The following DTNA variants were observed in gnomAD, a reference collection of about 807,000 sequenced individuals.
DTNA encodes dystrobrevin alpha, also known as dystrophin-related protein 3.
Under a neutral mutation model 100.7 loss-of-function variants are expected in DTNA, and 43 were observed. That is an observed-to-expected ratio of 0.43 (90% CI 0.33 to 0.55). DTNA has a LOEUF of 0.55. Ranked by LOEUF, DTNA falls within the 20% of genes least tolerant of loss-of-function variation. The probability of loss-of-function intolerance (pLI) is 0.04; values close to 1 mark genes in which losing one functional copy is unlikely to be tolerated. For missense variants in DTNA, 798 were observed against 953.9 expected, an observed-to-expected ratio of 0.84 and a Z score of 2.15; for synonymous variants, 349 against 347.9, an observed-to-expected ratio of 1.00 and a Z score of -0.04.
At chr18:34,642,582 C>T (rs775074764) in intron 1 of DTNA, among the ~76,000 whole-genome samples, 1 of 150,744 alleles carries the variant, frequency 6.6e-6, no homozygotes, top group African/African-American at 2.4e-5. Context: ...TTTCTTTCAA[C>T]GGAGTCTCGC....
intron 1 of DTNA, among the ~76,000 whole-genome samples, chr18:34,602,531 G>A (rs1432255536): frequency 6.6e-6 from 1 of 152,080 alleles, no homozygotes; most frequent in Non-Finnish European, 1.5e-5. Context: ...GATAGATAGA[G>A]ATATATCACA....
At chr18:34,682,520 A>C (rs1338215112) in intron 1 of DTNA, among the ~76,000 whole-genome samples, 1 of 152,144 alleles carries the variant, frequency 6.6e-6, no homozygotes, top group Non-Finnish European at 1.5e-5. Flanking sequence ...GTTGCTCCAT[A>C]TCCTCTCCAG....
At chr18:34,649,448 G>C (rs2060205684) in intron 1 of DTNA, among the ~76,000 whole-genome samples, 1 of 152,140 alleles carries the variant, frequency 6.6e-6, no homozygotes, top group Admixed American at 6.5e-5. Context: ...CCTAAAGATA[G>C]AGCCTCATTT....
intron 1 of DTNA, among the ~76,000 whole-genome samples, chr18:34,510,094 G>GTGTGA (rs1242436285): frequency 4.6e-5 from 2 of 43,884 alleles, no homozygotes; most frequent in Non-Finnish European, 1.2e-4. Flanking sequence ...TGTGTGTGTG[G>GTGTGA]TTTTTTTGGT....
At chr18:34,872,488 A>G (rs1267040160) in intron 17 of DTNA, among the ~76,000 whole-genome samples, 2 of 152,214 alleles carry the variant, frequency 1.3e-5, no homozygotes, top group African/African-American at 2.4e-5. Context: ...CATTTATCTG[A>G]TTTTGAAAAG....
At chr18:34,552,339 C>T (rs2145962798) in intron 1 of DTNA, among the ~76,000 whole-genome samples, 1 of 151,920 alleles carries the variant, frequency 6.6e-6, no homozygotes, top group Non-Finnish European at 1.5e-5. Flanking sequence ...TCATCACGGG[C>T]CCAGTTGCTA....
intron 1 of DTNA, among the ~76,000 whole-genome samples, chr18:34,669,501 G>C (rs1025840936): frequency 1.3e-5 from 2 of 152,180 alleles, no homozygotes; most frequent in Non-Finnish European, 1.5e-5. Flanking sequence ...TTCGTTAGTT[G>C]ATGCTGTTTC....
chr18:34,811,849 T>TA lies in DTNA; in HGVS notation c.449-104dup, dbSNP rs35135214. 1.3e-5 allele frequency: 17 copies of TA among 1,270,574 alleles called. No individual in the cohort carries two copies. In the African/African-American group the frequency reaches 1.3e-4, roughly 10 times the overall value. The allele number at this position is 1,270,574 out of a possible 1,614,324, so 78.7% of individuals were successfully genotyped here. A position where few individuals can be genotyped will look rare whatever the true frequency, so the allele number is the denominator to read the frequency against. On this transcript the variant is annotated intron_variant, in intron 5 of 22. Coordinates refer to ENST00000444659, the MANE Select transcript of DTNA (RefSeq NM_001386795.1). ...AATTAGCTTTTATATTATTCTTTCA[T>TA]AAAAAATGTTTATTTTGCTACTTTT...
chr18:34,661,441 C>T (rs1165077535), intron 1 of DTNA, among the ~76,000 whole-genome samples: 2 of 152,136 alleles, frequency 1.3e-5, no homozygotes, highest in Admixed American at 1.3e-4. Flanking sequence ...AGGTCTGAAA[C>T]TCTTGAATCT....
At chr18:34,874,351 A>G (rs1290208337) in intron 17 of DTNA, among the ~76,000 whole-genome samples, 1 of 152,218 alleles carries the variant, frequency 6.6e-6, no homozygotes, top group Non-Finnish European at 1.5e-5. Context: ...TTTCTTACGC[A>G]TGTGGCTGAC....
chr18:34,783,240 C>T (rs2094399855), intron 3 of DTNA, among the ~76,000 whole-genome samples: 1 of 152,136 alleles, frequency 6.6e-6, no homozygotes, highest in Non-Finnish European at 1.5e-5. Flanking sequence ...GTGACAGCTA[C>T]TGAGTCAACA....
At chr18:34,798,499 C>G (rs767165755) in intron 4 of DTNA, among the ~76,000 whole-genome samples, 10 of 152,188 alleles carry the variant, frequency 6.6e-5, no homozygotes, top group Non-Finnish European at 1.2e-4. Flanking sequence ...CTCTCACCTT[C>G]TCCCTGCTTC....
At chr18:34,883,754 G>A (rs1372914476) in intron 21 of DTNA, among the ~76,000 whole-genome samples, 1 of 152,142 alleles carries the variant, frequency 6.6e-6, no homozygotes, top group Non-Finnish European at 1.5e-5. Flanking sequence ...TGTAGCAGGA[G>A]GGAAACGGAA....
chr18:34,685,410 G>T (rs1316149855), intron 1 of DTNA, among the ~76,000 whole-genome samples: 2 of 152,126 alleles, frequency 1.3e-5, no homozygotes, highest in African/African-American at 4.8e-5. Context: ...TTTCCCCATT[G>T]CTTGTTTGTG....
Position 34,500,526 on chromosome 18 carries a change from C to T in DTNA, c.-2+7012C>T, listed in dbSNP as rs115093532. On this transcript the variant is annotated intron_variant, in intron 1 of 19. Transcript: ENST00000283365. ...TCGCCCAGGCTGGAGCGCAATAGCA[C>T]GATCTATGCCCACTGCAACCTCCGC... Among the ~76,000 whole-genome samples the T allele has an allele frequency of 5.0e-3, 759 of 151,408 alleles. 6 individuals are homozygous for T. Among genetic ancestry groups the T allele is most frequent in the African/African-American group, 0.017 (719 of 41,208 alleles).
At chr18:34,610,975 G>A (rs936109859) in intron 1 of DTNA, among the ~76,000 whole-genome samples, 1 of 152,124 alleles carries the variant, frequency 6.6e-6, no homozygotes, top group Admixed American at 6.5e-5. Context: ...CACAAATTAT[G>A]CAATTAATTA....
At chr18:34,715,080 A>T (rs945095355) in intron 1 of DTNA, among the ~76,000 whole-genome samples, 8 of 136,538 alleles carry the variant, frequency 5.9e-5, no homozygotes, top group Non-Finnish European at 1.1e-4. Context: ...GGGGGGAGGG[A>T]TAGCATTGGG....
intron 13 of DTNA, among the ~76,000 whole-genome samples, chr18:34,844,671 A>G (rs1017142578): frequency 6.6e-6 from 1 of 152,178 alleles, no homozygotes; most frequent in Non-Finnish European, 1.5e-5. Flanking sequence ...AAAAGAAAAT[A>G]TAGAAGCATT....
rs531442998 is a variant in DTNA at position 34,831,455 on chromosome 18, C to A, written c.1175+1966C>A. Among the ~76,000 whole-genome samples the A allele has an allele frequency of 1.2e-4, 18 of 152,266 alleles. No homozygotes were observed. The South Asian group carries it at 3.7e-3, about 32-fold the overall frequency. Reference sequence around the variant, plus strand: ...GCTAGTTTCTGGTTTGCTGCAATAACAAGTAGTTAATTAATCATATTGTAT... The same window carrying A: ...GCTAGTTTCTGGTTTGCTGCAATAAAAAGTAGTTAATTAATCATATTGTAT... On this transcript the variant is annotated intron_variant, in intron 11 of 22. Coordinates refer to ENST00000444659, the MANE Select transcript of DTNA (RefSeq NM_001386795.1).
Sources: gnomAD v4.1 joint callset for allele counts (sites outside exome capture counted in the v4.1 genomes callset) on GRCh38, gnomAD v4.1.1 for gene constraint, MANE v1.5 for transcripts, NCBI Gene and HGNC (gene_info 2026-07-23, HGNC 2026-07-21) for gene names.